EFCAB11: variants seen among roughly 807,000 people sequenced by gnomAD.
EFCAB11 encodes the protein EF-hand calcium-binding domain-containing protein 11.
Under a neutral mutation model 23.0 loss-of-function variants are expected in EFCAB11, and 14 were observed. The observed-to-expected ratio is 0.61, with a 90% confidence interval of 0.40 to 0.95. The LOEUF is 0.95. EFCAB11 is among the 40% of genes least tolerant of loss of function. The pLI is 0.00. For missense variants in EFCAB11, 198 were observed against 195.8 expected (o/e 1.01, Z -0.07); for synonymous variants, 65 against 66.6 (o/e 0.98, Z 0.11).
chr14:89,831,438 C>T lies in EFCAB11; in HGVS notation c.411-34114G>A, dbSNP rs552942431. On this transcript the variant is annotated intron_variant, in intron 5 of 5. Coordinates refer to ENST00000316738, the MANE Select transcript of EFCAB11 (RefSeq NM_145231.4). ...GTGAAATTATGGCACATTGATATGA[C>T]TGCTGAAAGAACAGGAGTTACAAAG... 1.3e-3 allele frequency among the ~76,000 whole-genome samples: 205 copies of T among 152,298 alleles called. 1 individual carries two copies. Among genetic ancestry groups the T allele is most frequent in the African/African-American group, 4.8e-3 (201 of 41,560 alleles).
intron 5 of EFCAB11, among the ~76,000 whole-genome samples, chr14:89,848,022 C>T (rs538492498): frequency 1.1e-4 from 16 of 152,274 alleles, no homozygotes; most frequent in East Asian, 5.8e-4. Context: ...ACAGGATTCT[C>T]TACCTAAGCT....
At chr14:89,831,586 T>C (rs1457905259) in intron 5 of EFCAB11, among the ~76,000 whole-genome samples, 4 of 152,202 alleles carry the variant, frequency 2.6e-5, no homozygotes, top group Non-Finnish European at 5.9e-5. Context: ...CATGTATATA[T>C]TAGTTTACAT....
At chr14:89,949,895 T>C (rs1478035848) in intron 3 of EFCAB11, among the ~76,000 whole-genome samples, 1 of 152,022 alleles carries the variant, frequency 6.6e-6, no homozygotes, top group Non-Finnish European at 1.5e-5. Flanking sequence ...AAGCCCCCCC[T>C]TATAAAGCCA....
chr14:89,802,412 G>A (rs1211950479), intron 5 of EFCAB11, among the ~76,000 whole-genome samples: 3 of 151,960 alleles, frequency 2.0e-5, no homozygotes, highest in African/African-American at 4.8e-5. Context: ...TTTATTTAGA[G>A]ACAGAGTCTT....
At chr14:89,935,061 T>A (rs959182705) in intron 3 of EFCAB11, among the ~76,000 whole-genome samples, 2 of 152,154 alleles carry the variant, frequency 1.3e-5, no homozygotes, top group South Asian at 2.1e-4. Flanking sequence ...AATATTTGTA[T>A]CTCCTTCCAG....
intron 3 of EFCAB11, among the ~76,000 whole-genome samples, chr14:89,935,145 G>A (rs7145027): frequency 2.6e-5 from 4 of 151,930 alleles, no homozygotes; most frequent in African/African-American, 9.7e-5. Flanking sequence ...TCTGTGACCC[G>A]ACGGCCCTTT....
Position 89,831,598 on chromosome 14 carries a change from C to A in EFCAB11, c.411-34274G>T, listed in dbSNP as rs1009731122. Among the ~76,000 whole-genome samples the A allele has an allele frequency of 6.6e-5, 10 of 152,162 alleles. No individual in the cohort carries two copies. In the South Asian group the frequency reaches 1.5e-3, roughly 22 times the overall value. On this transcript the variant is annotated intron_variant, in intron 5 of 5. Transcript: ENST00000316738. ...GTGCATGTATATATTAGTTTACATA[C>A]TCAGAAAAATTTGGATCTATAGACA...
At chr14:89,935,747 G>A (rs575809060) in intron 3 of EFCAB11, among the ~76,000 whole-genome samples, 3 of 152,242 alleles carry the variant, frequency 2.0e-5, no homozygotes, top group Admixed American at 6.5e-5. Flanking sequence ...GGTAGCTCAC[G>A]CCTGTAATCC....
intron 5 of EFCAB11, among the ~76,000 whole-genome samples, chr14:89,870,305 G>A (rs1888225302): frequency 6.6e-6 from 1 of 152,080 alleles, no homozygotes; most frequent in Non-Finnish European, 1.5e-5. Flanking sequence ...ATCTAAGAAA[G>A]GTAAAACCTT....
chr14:89,835,585 CGT>C (rs67831579), intron 5 of EFCAB11, among the ~76,000 whole-genome samples: 14,847 of 92,716 alleles, frequency 0.16, 824 homozygotes, highest in Middle Eastern at 0.2. Context: ...GGATGCTCAA[CGT>C]GTGTGTGTGT....
intron 5 of EFCAB11, among the ~76,000 whole-genome samples, chr14:89,896,834 C>T (rs1889182392): frequency 1.3e-5 from 2 of 152,178 alleles, no homozygotes; most frequent in Admixed American, 1.3e-4. Context: ...AGCGATCCTC[C>T]CACCTCAGCC....
chr14:89,839,663 T>G (rs773982456), intron 5 of EFCAB11, among the ~76,000 whole-genome samples: 4 of 152,126 alleles, frequency 2.6e-5, no homozygotes, highest in Non-Finnish European at 4.4e-5. Flanking sequence ...AAAATAGGTT[T>G]AATTGGCTTA....
At chr14:89,881,151 G>T (rs966395390) in intron 5 of EFCAB11, among the ~76,000 whole-genome samples, 1 of 151,574 alleles carries the variant, frequency 6.6e-6, no homozygotes, top group Non-Finnish European at 1.5e-5. Context: ...GTGATTATAT[G>T]GTTGTTATCA....
chr14:89,937,289 G>A (rs1450824801), intron 3 of EFCAB11, among the ~76,000 whole-genome samples: 1 of 152,134 alleles, frequency 6.6e-6, no homozygotes, highest in Non-Finnish European at 1.5e-5. Context: ...GGAGATGAAG[G>A]AAGAACTATT....
intron 5 of EFCAB11, among the ~76,000 whole-genome samples, chr14:89,865,362 C>T (rs967434223): frequency 1.3e-5 from 2 of 152,078 alleles, no homozygotes; most frequent in Non-Finnish European, 2.9e-5. Flanking sequence ...TCATATAAGT[C>T]ATATCCGACA....
rs373506339 is a variant in EFCAB11 at position 89,932,823 on chromosome 14, G to C, written c.218-196C>G. On this transcript the variant is annotated intron_variant, in intron 3 of 5. Transcript: ENST00000316738. ...TTTTGCTAAATGCTAACATTTAACA[G>C]ATCCAACACTAGAAATCAATAGTGA... Among the ~76,000 whole-genome samples, 14 of 152,262 alleles carry C rather than the reference G, an allele frequency of 9.2e-5. No individual in the cohort carries two copies. In the South Asian group the frequency reaches 2.9e-3, roughly 32 times the overall value.
intron 3 of EFCAB11, 95 bp downstream of exon 3, chr14:89,950,002 C>T (rs1045094349): frequency 2.9e-5 from 38 of 1,329,470 alleles, no homozygotes; most frequent in Non-Finnish European, 3.5e-5. Context: ...TTCCACAACA[C>T]ATAGGAATTT....
At chr14:89,806,509 T>A (rs1477436493) in intron 5 of EFCAB11, among the ~76,000 whole-genome samples, 1 of 152,172 alleles carries the variant, frequency 6.6e-6, no homozygotes, top group Non-Finnish European at 1.5e-5. Flanking sequence ...GTTTTCAGGA[T>A]AAAGTACAAA....
chr14:89,836,599 C>A (rs1223229349), intron 5 of EFCAB11: 2 of 456,620 alleles, frequency 4.4e-6, no homozygotes. Flanking sequence ...TCCACATGAA[C>A]CTCCAGGAAA....
Sources: allele counts gnomAD v4.1 joint callset (sites outside exome capture counted in the v4.1 genomes callset), GRCh38; gene constraint gnomAD v4.1.1; transcripts MANE v1.5; gene names NCBI Gene and HGNC (gene_info 2026-07-23, HGNC 2026-07-21).